NAALADL2: variants seen among roughly 807,000 people sequenced by gnomAD.
The protein encoded by NAALADL2 is inactive N-acetylated-alpha-linked acidic dipeptidase-like protein 2.
In NAALADL2, 76 loss-of-function variants were observed where a neutral mutation model predicts 87.2. The ratio of observed to expected loss-of-function variants is 0.87; its 90% CI spans 0.72 to 1.05. The LOEUF (loss-of-function observed/expected upper bound fraction) is 1.05, where lower values mean the gene tolerates loss of function less well. NAALADL2 is among the 50% of genes least tolerant of loss of function. The pLI, the probability that NAALADL2 is intolerant of heterozygous loss-of-function variation, is 0.00. For missense variants in NAALADL2, 1,089 were observed against 945.8 expected, an observed-to-expected ratio of 1.15 and a Z score of -1.99; for synonymous variants, 354 against 331.0, an observed-to-expected ratio of 1.07 and a Z score of -0.75.
At chr3:175,004,746 T>C (rs1350181064) in intron 1 of NAALADL2, among the ~76,000 whole-genome samples, 3 of 152,182 alleles carry the variant, frequency 2.0e-5, no homozygotes, top group Non-Finnish European at 4.4e-5. Flanking sequence ...CATAAAATTA[T>C]TTAAAATATT....
intron 3 of NAALADL2, among the ~76,000 whole-genome samples, chr3:174,849,080 A>G (rs936053050): frequency 1.3e-5 from 2 of 152,184 alleles, no homozygotes; most frequent in African/African-American, 4.8e-5. Flanking sequence ...GGCCCTTACC[A>G]TGAATGGATC....
At position 175,610,895 on chromosome 3, in the gene NAALADL2, CTG is replaced by C. The variant is rs1419884085; in HGVS notation, c.1801-16394_1801-16393del. Among the ~76,000 whole-genome samples the C allele has an allele frequency of 7.9e-5, 12 of 152,128 alleles. No individual in the cohort carries two copies. The South Asian group carries it at 1.2e-3, about 16-fold the overall frequency. On this transcript the variant is annotated intron_variant, in intron 10 of 13. Transcript: ENST00000454872. ...AATAATATTGAATATTAATATATAA[CTG>C]TTAGTATAGATATGATGAAAATACA...
intron 9 of NAALADL2, among the ~76,000 whole-genome samples, chr3:175,484,372 G>A (rs1005964773): frequency 6.6e-6 from 1 of 152,024 alleles, no homozygotes; most frequent in South Asian, 2.1e-4. Flanking sequence ...CATAAATCAT[G>A]TTTACAAGAT....
At chr3:175,162,744 G>A (rs914342194) in intron 2 of NAALADL2, among the ~76,000 whole-genome samples, 1 of 152,126 alleles carries the variant, frequency 6.6e-6, no homozygotes, top group African/African-American at 2.4e-5. Context: ...AAAGCTATAA[G>A]ATAGGCATAT....
intron 11 of NAALADL2, among the ~76,000 whole-genome samples, chr3:175,696,374 C>T (rs1350248928): frequency 1.3e-5 from 2 of 152,060 alleles, no homozygotes; most frequent in African/African-American, 4.8e-5. Flanking sequence ...AATGAAACTT[C>T]AGGAGAGAAA....
chr3:175,766,248 G>A (rs1027142987), intron 13 of NAALADL2, among the ~76,000 whole-genome samples: 13 of 152,006 alleles, frequency 8.6e-5, no homozygotes, highest in African/African-American at 3.1e-4. Context: ...AATCTTAGAT[G>A]TAATTTAAAA....
At chr3:175,266,277 C>T (rs942009248) in intron 4 of NAALADL2, among the ~76,000 whole-genome samples, 1 of 150,900 alleles carries the variant, frequency 6.6e-6, no homozygotes, top group African/African-American at 2.4e-5. Context: ...TTTTAATCAT[C>T]TAATATTTAA....
At chr3:175,718,950 C>T (rs949656311) in intron 11 of NAALADL2, among the ~76,000 whole-genome samples, 1 of 152,034 alleles carries the variant, frequency 6.6e-6, no homozygotes, top group Non-Finnish European at 1.5e-5. Context: ...TAATTTTGTA[C>T]CAAAAGGCTA....
chr3:175,710,906 G>A (rs777890760), intron 11 of NAALADL2, among the ~76,000 whole-genome samples: 1 of 151,684 alleles, frequency 6.6e-6, no homozygotes, highest in South Asian at 2.1e-4. Context: ...CCATCATTTT[G>A]TTATTTTGTT....
chr3:174,495,731 T>TTTA, intron 1 of NAALADL2, among the ~76,000 whole-genome samples: 1 of 145,548 alleles, frequency 6.9e-6, no homozygotes, highest in South Asian at 2.4e-4. Context: ...TTTTTAGTAC[T>TTTA]TAATAGACTT....
intron 9 of NAALADL2, among the ~76,000 whole-genome samples, chr3:175,525,685 G>A (rs1733301813): frequency 6.6e-6 from 1 of 151,994 alleles, no homozygotes; most frequent in Non-Finnish European, 1.5e-5. Flanking sequence ...TTGTGCTAAT[G>A]AGCAATCCTC....
At chr3:175,218,888 C>T (rs1305804906) in intron 2 of NAALADL2, among the ~76,000 whole-genome samples, 22 of 151,982 alleles carry the variant, frequency 1.4e-4, no homozygotes, top group Admixed American at 9.2e-4. Context: ...CCACTGCAAC[C>T]TCTGCCTCCT....
chr3:174,567,184 T>G (rs1714388061), intron 2 of NAALADL2, among the ~76,000 whole-genome samples: 2 of 151,570 alleles, frequency 1.3e-5, no homozygotes, highest in African/African-American at 4.8e-5. Flanking sequence ...TGGACATGAG[T>G]TATGACATTT....
At chr3:174,482,852 T>C (rs7632638) in intron 1 of NAALADL2, among the ~76,000 whole-genome samples, 110 of 152,232 alleles carry the variant, frequency 7.2e-4, no homozygotes, top group African/African-American at 2.5e-3. Context: ...ATGCTCGCCT[T>C]CAGATTAATG....
chr3:175,061,160 T>G lies in NAALADL2; in HGVS notation c.44-35630T>G, dbSNP rs753588801. On this transcript the variant is annotated intron_variant, in intron 1 of 13. Transcript: ENST00000454872. ...TAAAAAAATTGGAATATGAGATATTTAAGAAAAGAGTAGAAGAGGGCAACA... is the reference window on the plus strand; with the variant it reads ...TAAAAAAATTGGAATATGAGATATTGAAGAAAAGAGTAGAAGAGGGCAACA... Among the ~76,000 whole-genome samples the G allele has an allele frequency of 2.7e-4, 41 of 152,242 alleles. 1 individual carries two copies. Among genetic ancestry groups the G allele is most frequent in the Non-Finnish European group, 4.6e-4 (31 of 68,010 alleles).
intron 2 of NAALADL2, among the ~76,000 whole-genome samples, chr3:175,174,842 AG>A (rs1339399534): frequency 1.3e-5 from 1 of 74,592 alleles, no homozygotes; most frequent in Non-Finnish European, 4.0e-5. Flanking sequence ...ACATGCACAC[AG>A]ACACACACAC....
At chr3:175,299,199 G>A (rs1209011952) in intron 4 of NAALADL2, among the ~76,000 whole-genome samples, 1 of 152,152 alleles carries the variant, frequency 6.6e-6, no homozygotes, top group African/African-American at 2.4e-5. Context: ...AAGTCAGGTA[G>A]CGTGATGCCT....
At chr3:175,082,094 G>A (rs1229402664) in intron 1 of NAALADL2, among the ~76,000 whole-genome samples, 2 of 151,916 alleles carry the variant, frequency 1.3e-5, no homozygotes, top group Non-Finnish European at 2.9e-5. Context: ...AATAAGTGAC[G>A]GAATCTTCAA....
chr3:175,457,820 C>A (rs947360492), intron 6 of NAALADL2, among the ~76,000 whole-genome samples: 3 of 151,046 alleles, frequency 2.0e-5, no homozygotes, highest in Non-Finnish European at 4.4e-5. Context: ...GTAATTTTAT[C>A]ATCTTTACAC....
Sources: allele counts gnomAD v4.1 joint callset (sites outside exome capture counted in the v4.1 genomes callset), GRCh38; gene constraint gnomAD v4.1.1; transcripts MANE v1.5; gene names NCBI Gene and HGNC (gene_info 2026-07-23, HGNC 2026-07-21).